NACC2: variants seen among roughly 807,000 people sequenced by gnomAD.
NACC2 encodes nucleus accumbens-associated protein 2.
Under a neutral mutation model 25.1 loss-of-function variants are expected in NACC2, and 8 were observed. The observed-to-expected ratio is 0.32, with a 90% CI of 0.19 to 0.57. The LOEUF is 0.57. Ranked by LOEUF, NACC2 falls within the 20% of genes least tolerant of loss-of-function variation. The pLI is 0.89. For missense variants in NACC2, 644 were observed against 650.2 expected, an observed-to-expected ratio of 0.99 and a Z score of 0.10; for synonymous variants, 435 against 294.7, an observed-to-expected ratio of 1.48 and a Z score of -4.88.
chr9:136,066,784 T>C (rs1218233868), intron 1 of NACC2, among the ~76,000 whole-genome samples: 2 of 151,984 alleles, frequency 1.3e-5, no homozygotes, highest in Non-Finnish European at 2.9e-5. Flanking sequence ...ATCCATACAA[T>C]GTCATTCAGC....
At chr9:136,090,020 G>GT (rs1376316952) in intron 1 of NACC2, among the ~76,000 whole-genome samples, 1 of 151,286 alleles carries the variant, frequency 6.6e-6, no homozygotes, top group Admixed American at 6.6e-5. Flanking sequence ...ACAACAAAAA[G>GT]TATCAATATA....
intron 2 of NACC2, among the ~76,000 whole-genome samples, chr9:136,033,648 C>CAAAAA (rs558163152): frequency 1.3e-4 from 9 of 71,076 alleles, no homozygotes; most frequent in African/African-American, 2.3e-4. Context: ...GACTCTGTCT[C>CAAAAA]AAAAAAAAAA....
chr9:136,075,715 C>T (rs1318686199), intron 1 of NACC2, among the ~76,000 whole-genome samples: 4 of 152,218 alleles, frequency 2.6e-5, no homozygotes, highest in Admixed American at 6.5e-5. Context: ...AGGACACCCC[C>T]GTGCAGACTG....
intron 1 of NACC2, among the ~76,000 whole-genome samples, chr9:136,058,598 A>G (rs902744767): frequency 1.3e-5 from 2 of 152,232 alleles, no homozygotes; most frequent in Admixed American, 6.5e-5. Flanking sequence ...GGGAGGGAAG[A>G]GGGCAAAGGC....
intron 1 of NACC2, among the ~76,000 whole-genome samples, chr9:136,060,969 C>T (rs1187630967): frequency 6.6e-6 from 1 of 152,164 alleles, no homozygotes; most frequent in African/African-American, 2.4e-5. Context: ...GGGTGTCACC[C>T]CAGGATGCCC....
At position 136,019,814 on chromosome 9, in the gene NACC2, G is replaced by A. The variant is rs1840262137; in HGVS notation, c.887-3385C>T. 6.6e-6 allele frequency among the ~76,000 whole-genome samples: 1 copy of A among 152,150 alleles called. No homozygotes were observed. On this transcript the variant is annotated intron_variant, in intron 2 of 5. Coordinates refer to ENST00000277554, the MANE Select transcript of NACC2 (RefSeq NM_144653.5). This position sits in a 1 kb window ranked among gnomAD's most constrained non-coding sequence, Gnocchi z 5.2. ...AAGGAGCCCCCGCCGTACCTTCCAG[G>A]CCCTTCTGCTCCCAGCCGGGCGACA...
At position 136,084,844 on chromosome 9, in the gene NACC2, C is replaced by T. The variant is rs370308985; in HGVS notation, c.-60+10345G>A. On this transcript the variant is annotated intron_variant, in intron 1 of 5. Coordinates refer to ENST00000277554, the MANE Select transcript of NACC2 (RefSeq NM_144653.5). This position sits in a 1 kb window ranked among gnomAD's most constrained non-coding sequence, Gnocchi z 5.1. ...AAATGAGCCAGTCACACGAGGACAC[C>T]CCCTGTGGGACTCCACTCACATGCA... Among the ~76,000 whole-genome samples, 2 of 152,192 alleles carry T rather than the reference C, an allele frequency of 1.3e-5. No individual in the cohort carries two copies. Among genetic ancestry groups the T allele is most frequent in the East Asian group, 3.8e-4 (2 of 5,196 alleles).
intron 2 of NACC2, among the ~76,000 whole-genome samples, chr9:136,021,530 A>G (rs754359075): frequency 2.0e-5 from 3 of 152,170 alleles, no homozygotes; most frequent in Non-Finnish European, 4.4e-5. Flanking sequence ...TGGCATGGCC[A>G]CTCTGGAAAA....
chr9:136,070,969 CCT>C (rs910751431), intron 1 of NACC2, among the ~76,000 whole-genome samples: 3 of 151,800 alleles, frequency 2.0e-5, no homozygotes, highest in Non-Finnish European at 4.4e-5. Flanking sequence ...GTGGCTCACA[CCT>C]GTAATCCCAG....
intron 5 of NACC2, among the ~76,000 whole-genome samples, chr9:136,012,575 G>A (rs977022208): frequency 2.0e-5 from 3 of 151,524 alleles, no homozygotes; most frequent in African/African-American, 7.3e-5. Context: ...AGCCTCGGCT[G>A]CCACCCCACA....
Position 136,022,741 on chromosome 9 carries a change from C to T in NACC2, c.887-6312G>A, listed in dbSNP as rs1281556640. Among the ~76,000 whole-genome samples the T allele has an allele frequency of 1.3e-5, 2 of 151,996 alleles. No homozygotes were observed. Among genetic ancestry groups the T allele is most frequent in the Non-Finnish European group, 2.9e-5 (2 of 68,008 alleles). On this transcript the variant is annotated intron_variant, in intron 2 of 5. Coordinates refer to ENST00000277554, the MANE Select transcript of NACC2 (RefSeq NM_144653.5). The surrounding 1 kb of genome is among the most constrained non-coding windows in gnomAD (Gnocchi z 4.4). ...GCTGGGGCAGTGCCTCTGTCATCCTCCAGAAAGACCAGAAACGACTTCCAC... is the reference window on the plus strand; with the variant it reads ...GCTGGGGCAGTGCCTCTGTCATCCTTCAGAAAGACCAGAAACGACTTCCAC...
chr9:136,076,459 C>T (rs1830263600), intron 1 of NACC2, among the ~76,000 whole-genome samples: 1 of 152,168 alleles, frequency 6.6e-6, no homozygotes, highest in South Asian at 2.1e-4. Flanking sequence ...GACAACGCCA[C>T]GGGGTTCCAC....
intron 2 of NACC2, among the ~76,000 whole-genome samples, chr9:136,035,662 T>C (rs992934074): frequency 1.3e-5 from 2 of 152,046 alleles, no homozygotes; most frequent in African/African-American, 4.8e-5. Context: ...TAACACTTCT[T>C]GAATTTTGCA....
intron 2 of NACC2, among the ~76,000 whole-genome samples, chr9:136,048,143 G>A (rs1840757117): frequency 6.6e-6 from 1 of 152,224 alleles, no homozygotes; most frequent in African/African-American, 2.4e-5. Context: ...GGACTGTAGG[G>A]GTGCCCAGCC....
At chr9:136,073,038 C>A (rs1317441925) in intron 1 of NACC2, among the ~76,000 whole-genome samples, 2 of 152,078 alleles carry the variant, frequency 1.3e-5, no homozygotes, top group Non-Finnish European at 2.9e-5. Flanking sequence ...TTGCTCAGCA[C>A]AAGACACAGG....
intron 1 of NACC2, among the ~76,000 whole-genome samples, chr9:136,076,805 G>C (rs1041473013): frequency 6.6e-6 from 1 of 152,102 alleles, no homozygotes; most frequent in African/African-American, 2.4e-5. Flanking sequence ...TCAGGAGATC[G>C]AGACCATCCT....
chr9:136,065,250 T>C (rs1588577400), intron 1 of NACC2, among the ~76,000 whole-genome samples: 1 of 152,076 alleles, frequency 6.6e-6, no homozygotes, highest in African/African-American at 2.4e-5. Flanking sequence ...TTTGGGAGGC[T>C]GAGGCAGGAG....
chr9:136,059,151 C>A (rs1021440098), intron 1 of NACC2, among the ~76,000 whole-genome samples: 2 of 152,224 alleles, frequency 1.3e-5, no homozygotes, highest in Non-Finnish European at 2.9e-5. Context: ...GGAGATGAAG[C>A]TTTAGCTGGG....
chr9:136,084,879 G>A lies in NACC2; in HGVS notation c.-60+10310C>T, dbSNP rs1830362648. 6.6e-6 allele frequency among the ~76,000 whole-genome samples: 1 copy of A among 152,192 alleles called. No individual in the cohort carries two copies. Among genetic ancestry groups the A allele is most frequent in the African/African-American group, 2.4e-5 (1 of 41,444 alleles). ...ACTCCACTCACATGCAGTCCCGGAAGCAGGCCTACAGAGACAGGAAGTAGA... is the reference window on the plus strand; with the variant it reads ...ACTCCACTCACATGCAGTCCCGGAAACAGGCCTACAGAGACAGGAAGTAGA... On this transcript the variant is annotated intron_variant, in intron 1 of 5. Coordinates refer to ENST00000277554, the MANE Select transcript of NACC2 (RefSeq NM_144653.5). This position sits in a 1 kb window ranked among gnomAD's most constrained non-coding sequence, Gnocchi z 5.1.
Sources: gnomAD v4.1 joint callset for allele counts (sites outside exome capture counted in the v4.1 genomes callset) on GRCh38, gnomAD v4.1.1 for gene constraint, Gnocchi (gnomAD v3.1) non-coding constraint, MANE v1.5 for transcripts, NCBI Gene and HGNC (gene_info 2026-07-23, HGNC 2026-07-21) for gene names.